FMN2: variants seen among roughly 807,000 people sequenced by gnomAD.
The protein encoded by FMN2 is formin 2.
In FMN2, 51 loss-of-function variants were observed where a neutral mutation model predicts 142.3. The ratio of observed to expected loss-of-function variants is 0.36; its 90% CI spans 0.29 to 0.45. The LOEUF (loss-of-function observed/expected upper bound fraction) is 0.45, where lower values mean the gene tolerates loss of function less well. Among genes scored for constraint, FMN2 ranks in the 20% least tolerant of loss-of-function variants. FMN2 has a pLI of 1.00. For synonymous variants in FMN2, 882 were observed against 869.8 expected (o/e 1.01, Z -0.25); for missense variants, 1,936 against 2,122.8 (o/e 0.91, Z 1.73).
Position 240,100,942 on chromosome 1 carries a change from G to C in FMN2, c.1615+7218G>C, listed in dbSNP as rs542441951. Among the ~76,000 whole-genome samples, 489 of 152,308 alleles carry C rather than the reference G, an allele frequency of 3.2e-3. 1 individual carries two copies. The highest frequency in any genetic ancestry group is 0.014 in the Middle Eastern group (4 of 294). ...TGAGTCTTTTTTTGTACTTCATGCA[G>C]AAGGGTTCTTTGTTGTAGTACCTGG... is the stretch of plus-strand genomic sequence containing the variant. On this transcript the variant is annotated intron_variant, in intron 1 of 17. Transcript: ENST00000319653.
chr1:240,211,192 A>G lies in FMN2; in HGVS notation c.4022A>G (p.Lys1341Arg). Residue 1341 changes from lysine to arginine, a missense_variant, in exon 6 of 18, where the codon AAG (lysine) becomes AGG (arginine). Transcript: ENST00000319653. The part of the protein sequence containing the change: ...LFSKTAVKER[K>R]KPISDTISKT... The stretch of plus-strand genomic sequence containing the variant: ...TCTAAAACTGCTGTAAAGGAGAGAA[A>G]GAAACCTATCTCTGATACTATCTCA... 3 of 1,613,388 alleles carry G rather than the reference A, an allele frequency of 1.9e-6. No homozygotes were observed. Among genetic ancestry groups the G allele is most frequent in the Non-Finnish European group, 2.5e-6 (3 of 1,179,756 alleles).
At chr1:240,143,044 C>T in intron 2 of FMN2, 1 of 1,496,708 alleles carries the variant, frequency 6.7e-7, no homozygotes, top group Non-Finnish European at 9.3e-7. Flanking sequence ...AGCTGCCAGT[C>T]ACTGTGGTAG....
chr1:240,450,023 A>T (rs1244667248), intron 16 of FMN2, among the ~76,000 whole-genome samples: 1 of 152,058 alleles, frequency 6.6e-6, no homozygotes, highest in African/African-American at 2.4e-5. Flanking sequence ...TTCATTTTAT[A>T]ACTCAAAGTT....
intron 8 of FMN2, among the ~76,000 whole-genome samples, chr1:240,322,062 C>G (rs1364164766): frequency 7.2e-5 from 11 of 152,148 alleles, no homozygotes; most frequent in Admixed American, 6.5e-4. Flanking sequence ...CCCTAGCCAC[C>G]CTTAGCCTAC....
At chr1:240,134,257 G>C (rs542131683) in intron 2 of FMN2, among the ~76,000 whole-genome samples, 1 of 152,302 alleles carries the variant, frequency 6.6e-6, no homozygotes, top group African/African-American at 2.4e-5. Context: ...CTGCAGTGAG[G>C]AGGAACTGGA....
chr1:240,126,085 A>G (rs1374165242), intron 2 of FMN2, among the ~76,000 whole-genome samples: 1 of 152,228 alleles, frequency 6.6e-6, no homozygotes, highest in Non-Finnish European at 1.5e-5. Context: ...CAGTAACAGA[A>G]CTATGCGTTC....
intron 14 of FMN2, among the ~76,000 whole-genome samples, chr1:240,386,255 A>G (rs1673402087): frequency 6.6e-6 from 1 of 152,212 alleles, no homozygotes; most frequent in Admixed American, 6.5e-5. Context: ...AGTCAGAAGA[A>G]AGGCACTGCA....
intron 7 of FMN2, among the ~76,000 whole-genome samples, chr1:240,275,911 A>G (rs35082551): frequency 0.13 from 19,313 of 152,178 alleles, 1,247 homozygotes; most frequent in African/African-American, 0.15. Flanking sequence ...GTCTGTTCAT[A>G]TCCTTTGCCC....
chr1:240,363,717 G>A (rs563501991), intron 14 of FMN2, among the ~76,000 whole-genome samples: 124 of 152,170 alleles, frequency 8.1e-4, no homozygotes, highest in African/African-American at 2.7e-3. Context: ...AGCTCTACAC[G>A]TCCCCAACTC....
At chr1:240,297,188 T>A (rs914490392) in intron 8 of FMN2, among the ~76,000 whole-genome samples, 1 of 152,140 alleles carries the variant, frequency 6.6e-6, no homozygotes, top group African/African-American at 2.4e-5. Context: ...TGTGTATCTA[T>A]ATGTGTGTAT....
chr1:240,173,860 T>G (rs148220346), intron 2 of FMN2, among the ~76,000 whole-genome samples: 177 of 152,298 alleles, frequency 1.2e-3, no homozygotes, highest in African/African-American at 4.0e-3. Flanking sequence ...ATAGAGTGCT[T>G]TTAGCATGCT....
chr1:240,233,528 T>A (rs2102852667), intron 6 of FMN2, among the ~76,000 whole-genome samples: 1 of 152,292 alleles, frequency 6.6e-6, no homozygotes, highest in Admixed American at 6.5e-5. Context: ...CTAGAGGAAG[T>A]GACATACTAT....
chr1:240,406,717 G>T (rs533956318), intron 15 of FMN2, among the ~76,000 whole-genome samples: 2 of 152,116 alleles, frequency 1.3e-5, no homozygotes, highest in Admixed American at 6.5e-5. Context: ...ATTCTCAAAA[G>T]GGTGAATGTG....
chr1:240,149,579 G>A (rs1663675423), intron 2 of FMN2, among the ~76,000 whole-genome samples: 1 of 152,182 alleles, frequency 6.6e-6, no homozygotes, highest in African/African-American at 2.4e-5. Context: ...TAGCAACCGA[G>A]GTGCTAAATT....
In FMN2 at chr1:240,206,837, A is replaced by C. The variant is rs751859558; in HGVS notation, c.2025A>C (p.Val675=). ...VDMKSEGQAT[V]IQQLEQTIED... ...TGAAGTCTGAGGGACAGGCCACTGT[A>C]ATTCAGCAGCTGGAACAGACTATTG... Residue 675 remains valine (V), a synonymous_variant, in exon 5 of 18, where the codon GTA becomes GTC. Coordinates refer to ENST00000319653, the MANE Select transcript of FMN2 (RefSeq NM_020066.5). 79 of 1,613,846 alleles carry C rather than the reference A, an allele frequency of 4.9e-5. No homozygotes were observed. The highest frequency in any genetic ancestry group is 4.4e-5 in the Non-Finnish European group (52 of 1,179,842).
Position 240,093,518 on chromosome 1 carries a change from G to C in FMN2, c.1409G>C (p.Arg470Pro), listed in dbSNP as rs201558855. The C allele has an allele frequency of 4.9e-5, 78 of 1,588,828 alleles. No individual in the cohort carries two copies. Among genetic ancestry groups the C allele is most frequent in the Non-Finnish European group, 5.6e-5 (66 of 1,170,070 alleles). The change falls in exon 1 of 18, where the codon CGG becomes CCG. Residue 470 changes from arginine (R) to proline (P), a missense_variant. By Grantham distance (103) the Arg-to-Pro change is moderately radical (BLOSUM62 -2). Coordinates refer to ENST00000319653, the MANE Select transcript of FMN2 (RefSeq NM_020066.5). ...GTAGCCGCCCCGGCCAAGAAGCACC[G>C]GGCCGACGGCGGCCTTGCGGCCGGC... Reference protein sequence around the residue: ...ASVAAPAKKHRADGGLAAGLS... With the variant: ...ASVAAPAKKHPADGGLAAGLS...
At chr1:240,191,322 C>T (rs958274047) in intron 4 of FMN2, among the ~76,000 whole-genome samples, 1 of 152,224 alleles carries the variant, frequency 6.6e-6, no homozygotes, top group Admixed American at 6.5e-5. Context: ...CCTCAACTCA[C>T]AGGAGTAGAA....
intron 2 of FMN2, among the ~76,000 whole-genome samples, chr1:240,130,870 A>G (rs988481281): frequency 3.9e-5 from 6 of 152,010 alleles, no homozygotes; most frequent in Non-Finnish European, 8.8e-5. Flanking sequence ...TTCGTATTTA[A>G]TTATGACTTC....
intron 7 of FMN2, among the ~76,000 whole-genome samples, chr1:240,260,892 G>C (rs11801271): frequency 1.3e-5 from 2 of 152,164 alleles, no homozygotes; most frequent in Admixed American, 1.3e-4. Context: ...TCAGGTCTTA[G>C]GTTTAAGTCC....
Sources: gnomAD v4.1 joint callset for allele counts (sites outside exome capture counted in the v4.1 genomes callset) on GRCh38, gnomAD v4.1.1 for gene constraint, MANE v1.5 for transcripts, NCBI Gene and HGNC (gene_info 2026-07-23, HGNC 2026-07-21) for gene names.